Variants in SPON1 observed in about 807,000 individuals in gnomAD.
SPON1 encodes the protein spondin-1.
Under a neutral mutation model 111.7 loss-of-function variants are expected in SPON1, and 52 were observed. That is an observed-to-expected ratio of 0.47 (90% CI 0.37 to 0.59). The LOEUF is 0.59. SPON1 is among the 20% of genes least tolerant of loss of function. The pLI, the probability that SPON1 is intolerant of heterozygous loss-of-function variation, is 0.00. For missense variants in SPON1, 957 were observed against 1,068.5 expected (o/e 0.90, Z 1.46); for synonymous variants, 410 against 395.8 (o/e 1.04, Z -0.43).
At chr11:14,026,992 C>T (rs1190595186) in intron 2 of SPON1, among the ~76,000 whole-genome samples, 2 of 152,170 alleles carry the variant, frequency 1.3e-5, no homozygotes, top group Admixed American at 1.3e-4. Context: ...ACTCTGCAGT[C>T]TCTGGGAGAG....
intron 5 of SPON1, among the ~76,000 whole-genome samples, chr11:14,102,765 G>T (rs1609341): frequency 0.65 from 98,531 of 152,026 alleles, 32,161 homozygotes; most frequent in East Asian, 0.82. Context: ...CTCATAATTA[G>T]ATTCAGGTTG....
intron 6 of SPON1, among the ~76,000 whole-genome samples, chr11:14,159,729 G>A (rs1324863296): frequency 1.3e-5 from 2 of 152,078 alleles, no homozygotes; most frequent in Non-Finnish European, 2.9e-5. Context: ...CCAGTCATCT[G>A]CGACAACATG....
intron 2 of SPON1, 120 bp from the exon 3 acceptor site, chr11:14,041,399 TAC>T: frequency 8.5e-7 from 1 of 1,172,846 alleles, no homozygotes; most frequent in Non-Finnish European, 1.2e-6. Flanking sequence ...TGCCTGGGGA[TAC>T]AGAGTTGCTA....
At chr11:14,169,709 C>A (rs1270958366) in intron 6 of SPON1, among the ~76,000 whole-genome samples, 5 of 152,182 alleles carry the variant, frequency 3.3e-5, no homozygotes, top group Admixed American at 3.3e-4. Flanking sequence ...CAGCTTTCTA[C>A]ATATGGCTAG....
At chr11:14,220,859 A>T (rs1176353377) in intron 6 of SPON1, among the ~76,000 whole-genome samples, 5 of 152,214 alleles carry the variant, frequency 3.3e-5, no homozygotes, top group African/African-American at 1.2e-4. Context: ...TTTCCAGGAA[A>T]AATATAGCCC....
chr11:14,181,938 C>A (rs901381111), intron 6 of SPON1, among the ~76,000 whole-genome samples: 6 of 152,084 alleles, frequency 3.9e-5, no homozygotes, highest in African/African-American at 1.4e-4. Context: ...AAATTACTTA[C>A]TTTTGAATAG....
intron 3 of SPON1, among the ~76,000 whole-genome samples, chr11:14,043,891 G>A (rs1411225763): frequency 1.3e-5 from 2 of 152,156 alleles, no homozygotes; most frequent in African/African-American, 4.8e-5. Flanking sequence ...GCTTCTATTA[G>A]CCCAGGCATC....
At chr11:14,066,500 C>T (rs1848833497) in intron 3 of SPON1, among the ~76,000 whole-genome samples, 2 of 152,162 alleles carry the variant, frequency 1.3e-5, no homozygotes, top group African/African-American at 2.4e-5. Flanking sequence ...GGGACTACCT[C>T]CTGCAGCCTA....
At chr11:14,106,137 T>C (rs1849182643) in intron 5 of SPON1, among the ~76,000 whole-genome samples, 1 of 152,202 alleles carries the variant, frequency 6.6e-6, no homozygotes, top group Non-Finnish European at 1.5e-5. Context: ...GCTAGCAGTC[T>C]CCTAGCAAAA....
rs1316238185 is a variant in SPON1, at chr11:13,964,389, T to C, written c.238+1247T>C. Among the ~76,000 whole-genome samples, 6 of 152,154 alleles carry C rather than the reference T, an allele frequency of 3.9e-5. 1 individual carries two copies. The highest frequency in any genetic ancestry group is 6.5e-5 in the Admixed American group (1 of 15,290). ...CGCCTTCCCAGTTCCCCAGAGAGCC[T>C]TGGACGGAAGCGGTGGGAGCAACAC... On this transcript the variant is annotated intron_variant, in intron 1 of 15. Coordinates refer to ENST00000576479, the MANE Select transcript of SPON1 (RefSeq NM_006108.4).
At chr11:14,025,472 T>C (rs1848510807) in intron 2 of SPON1, among the ~76,000 whole-genome samples, 1 of 152,194 alleles carries the variant, frequency 6.6e-6, no homozygotes, top group African/African-American at 2.4e-5. Flanking sequence ...ATGGTTGTCA[T>C]CTTAAATGTC....
At chr11:14,106,232 G>A (rs577822071) in intron 5 of SPON1, among the ~76,000 whole-genome samples, 24 of 152,214 alleles carry the variant, frequency 1.6e-4, no homozygotes, top group Admixed American at 1.4e-3. Flanking sequence ...CAGTTCCTCT[G>A]CTGTGATTCC....
At chr11:14,264,045 AAAAAG>A (rs1554942184) in intron 15 of SPON1, among the ~76,000 whole-genome samples, 13 of 151,972 alleles carry the variant, frequency 8.6e-5, no homozygotes, top group African/African-American at 1.9e-4. Context: ...AAAAAAAAAA[AAAAAG>A]AAAAGTACAT....
chr11:14,050,629 G>A (rs1554918425), intron 3 of SPON1, among the ~76,000 whole-genome samples: 1 of 151,610 alleles, frequency 6.6e-6, no homozygotes, highest in Non-Finnish European at 1.5e-5. Flanking sequence ...TAAGCAGGTA[G>A]TTTATTTGGG....
At chr11:14,241,560 C>A (rs976620697) in intron 6 of SPON1, among the ~76,000 whole-genome samples, 2 of 152,034 alleles carry the variant, frequency 1.3e-5, no homozygotes, top group Non-Finnish European at 2.9e-5. Flanking sequence ...CTCAGGCACG[C>A]CTGAGCTGTG....
At chr11:13,967,224 T>C (rs1339756668) in intron 1 of SPON1, among the ~76,000 whole-genome samples, 1 of 152,200 alleles carries the variant, frequency 6.6e-6, no homozygotes, top group Non-Finnish European at 1.5e-5. Flanking sequence ...ATGAAATTAG[T>C]TGGGAATAGA....
chr11:14,259,985 T>A lies in SPON1; in HGVS notation c.1831+284T>A, dbSNP rs1441380839. Among the ~76,000 whole-genome samples, 1 of 151,912 alleles carries A rather than the reference T, an allele frequency of 6.6e-6. No individual in the cohort carries two copies. The highest frequency in any genetic ancestry group is 1.5e-5 in the Non-Finnish European group (1 of 67,960). ...CACCTGCAGCTGTGTTTTATAGGAG[T>A]GTCTTTCTTGCAGTGGTGGGGAGGA... On this transcript the variant is annotated intron_variant, in intron 13 of 15. Transcript: ENST00000576479. The surrounding 1 kb of genome is among the most constrained non-coding windows in gnomAD (Gnocchi z 5.0).
intron 6 of SPON1, among the ~76,000 whole-genome samples, chr11:14,195,736 A>C (rs1267249835): frequency 6.6e-6 from 1 of 152,216 alleles, no homozygotes; most frequent in African/African-American, 2.4e-5. Context: ...GTCTGGAAGC[A>C]GGGTTCTTAA....
intron 6 of SPON1, among the ~76,000 whole-genome samples, chr11:14,159,552 G>A (rs149653064): frequency 0.02 from 2,987 of 152,132 alleles, 39 homozygotes; most frequent in Middle Eastern, 0.031. Context: ...CAAAAGAAAG[G>A]AAATCAGTAT....
Sources: allele counts gnomAD v4.1 joint callset (sites outside exome capture counted in the v4.1 genomes callset), GRCh38; gene constraint gnomAD v4.1.1; non-coding constraint Gnocchi (gnomAD v3.1); transcripts MANE v1.5; gene names NCBI Gene and HGNC (gene_info 2026-07-23, HGNC 2026-07-21).